Variants in SPIRE1 observed in about 807,000 individuals in gnomAD.
The protein encoded by SPIRE1 is spire type actin nucleation factor 1.
A neutral mutation model predicts 94.1 loss-of-function variants in SPIRE1; 40 were observed. That is an observed-to-expected ratio of 0.43 (90% CI 0.33 to 0.55). SPIRE1 has a LOEUF of 0.55. Ranked by LOEUF, SPIRE1 falls within the 20% of genes least tolerant of loss-of-function variation. SPIRE1 has a pLI of 0.06. For missense variants in SPIRE1, 838 were observed against 975.2 expected (o/e 0.86, Z 1.87); for synonymous variants, 376 against 371.7 (o/e 1.01, Z -0.13).
chr18:12,452,157 A>T, intron 16 of SPIRE1, 98 bp downstream of exon 16: 2 of 1,456,966 alleles, frequency 1.4e-6, no homozygotes, highest in Non-Finnish European at 1.9e-6. Flanking sequence ...AACCAATAAA[A>T]ACCCCTCGAG....
chr18:12,477,992 T>C (rs960776351), intron 10 of SPIRE1, among the ~76,000 whole-genome samples: 2 of 152,018 alleles, frequency 1.3e-5, no homozygotes, highest in Non-Finnish European at 2.9e-5. Flanking sequence ...AGACGGAATT[T>C]GGGGAGCCAA....
chr18:12,513,370 G>A (rs946348261), intron 4 of SPIRE1, among the ~76,000 whole-genome samples: 1 of 152,074 alleles, frequency 6.6e-6, no homozygotes, highest in Non-Finnish European at 1.5e-5. Context: ...CTATGTGCCT[G>A]CCTGCACTTA....
rs2031950279 is a variant in SPIRE1, at chr18:12,463,360, G to A, written c.1629C>T (p.Ser543=). ...RQFLPPSRQS[S]RSLEEFCYPV... ...TCTTTCCTGTACTTACAAGAGAGCG[G>A]GAACTCTGCCTGGAAGGCGGCAGGA... The change falls in exon 12 of 17, where the codon TCC becomes TCT. Residue 543 remains serine (S), a synonymous_variant. Coordinates refer to ENST00000409402, the MANE Select transcript of SPIRE1 (RefSeq NM_001128626.2). The A allele has an allele frequency of 2.5e-6, 4 of 1,613,158 alleles. No individual in the cohort carries two copies. Among genetic ancestry groups the A allele is most frequent in the Non-Finnish European group, 2.5e-6 (3 of 1,179,460 alleles).
chr18:12,534,084 A>G (rs1238787623), intron 4 of SPIRE1, among the ~76,000 whole-genome samples: 1 of 152,194 alleles, frequency 6.6e-6, no homozygotes, highest in East Asian at 1.9e-4. Context: ...TCATTGCCCT[A>G]TCATAAAAAG....
chr18:12,469,270 T>G (rs551663127), intron 10 of SPIRE1, among the ~76,000 whole-genome samples: 1 of 151,956 alleles, frequency 6.6e-6, no homozygotes, highest in South Asian at 2.1e-4. Flanking sequence ...TGGTGTGATC[T>G]CAGATCACTG....
intron 2 of SPIRE1, among the ~76,000 whole-genome samples, chr18:12,579,872 C>T (rs12604400): frequency 0.35 from 53,826 of 152,144 alleles, 10,826 homozygotes; most frequent in East Asian, 0.59. Flanking sequence ...CACTCTGTTT[C>T]GAGCCCTGAG....
chr18:12,542,069 C>T (rs775502047), intron 3 of SPIRE1, among the ~76,000 whole-genome samples: 1 of 151,918 alleles, frequency 6.6e-6, no homozygotes, highest in African/African-American at 2.4e-5. Context: ...CTCTGCTTCC[C>T]GGGTTCAAGT....
intron 1 of SPIRE1, among the ~76,000 whole-genome samples, chr18:12,641,362 ATTTCTTTT>A: frequency 6.9e-6 from 1 of 144,952 alleles, no homozygotes; most frequent in Non-Finnish European, 1.5e-5. Context: ...TCATACCCGA[ATTTCTTTT>A]TTTCTTTTTT....
chr18:12,466,842 C>A (rs1391997955), intron 10 of SPIRE1, among the ~76,000 whole-genome samples: 6 of 152,138 alleles, frequency 3.9e-5, no homozygotes, highest in Non-Finnish European at 8.8e-5. Context: ...CATAAAGTAA[C>A]TTTTAAGAAT....
At chr18:12,533,803 G>C (rs181454535) in intron 4 of SPIRE1, among the ~76,000 whole-genome samples, 1 of 152,124 alleles carries the variant, frequency 6.6e-6, no homozygotes, top group East Asian at 1.9e-4. Flanking sequence ...GGTAACGACA[G>C]CCTTAAAAAG....
chr18:12,455,113 T>C (rs1446351597), intron 12 of SPIRE1, among the ~76,000 whole-genome samples: 1 of 152,064 alleles, frequency 6.6e-6, no homozygotes, highest in Admixed American at 6.6e-5. Context: ...TTTTTTTGTA[T>C]TTTTTGCAGA....
At chr18:12,469,133 G>C (rs1429883571) in intron 10 of SPIRE1, among the ~76,000 whole-genome samples, 1 of 152,056 alleles carries the variant, frequency 6.6e-6, no homozygotes, top group Non-Finnish European at 1.5e-5. Context: ...TTGCAGATAT[G>C]GTTCTAGGGG....
chr18:12,628,592 A>G (rs1467239958), intron 2 of SPIRE1, among the ~76,000 whole-genome samples: 1 of 152,148 alleles, frequency 6.6e-6, no homozygotes, highest in African/African-American at 2.4e-5. Context: ...GAAGAAAGTC[A>G]TTGGTAGCTT....
chr18:12,594,759 T>C (rs2036624655), intron 2 of SPIRE1, among the ~76,000 whole-genome samples: 1 of 152,164 alleles, frequency 6.6e-6, no homozygotes, highest in South Asian at 2.1e-4. Context: ...TTGTTTTCAA[T>C]AAAAATTACT....
intron 16 of SPIRE1, chr18:12,450,732 C>A: frequency 1.5e-6 from 1 of 665,256 alleles, no homozygotes; most frequent in Non-Finnish European, 2.7e-6. Flanking sequence ...AAAAAGCCAC[C>A]GTCTGGATTC....
chr18:12,551,694 T>A (rs2035354623), intron 2 of SPIRE1, among the ~76,000 whole-genome samples: 2 of 148,732 alleles, frequency 1.3e-5, no homozygotes, highest in African/African-American at 2.5e-5. Flanking sequence ...AGAGCGAGAC[T>A]CCGTCTCAGA....
At chr18:12,648,456 G>A (rs2038285414) in intron 1 of SPIRE1, among the ~76,000 whole-genome samples, 1 of 152,072 alleles carries the variant, frequency 6.6e-6, no homozygotes, top group African/African-American at 2.4e-5. Flanking sequence ...AGTCCAAATG[G>A]AGGGACATTT....
chr18:12,569,579 A>T (rs1485760206), intron 2 of SPIRE1, among the ~76,000 whole-genome samples: 2 of 151,878 alleles, frequency 1.3e-5, no homozygotes, highest in African/African-American at 2.4e-5. Context: ...ATACTTATTT[A>T]TGCTAATTTT....
At chr18:12,547,674 G>A (rs770146280) in intron 2 of SPIRE1, among the ~76,000 whole-genome samples, 1 of 152,180 alleles carries the variant, frequency 6.6e-6, no homozygotes, top group Non-Finnish European at 1.5e-5. Context: ...CAGCGTGGTG[G>A]CTCATGCCTG....
Sources: gnomAD v4.1 joint callset for allele counts (sites outside exome capture counted in the v4.1 genomes callset) on GRCh38, gnomAD v4.1.1 for gene constraint, MANE v1.5 for transcripts, NCBI Gene and HGNC (gene_info 2026-07-23, HGNC 2026-07-21) for gene names.